Variants in TMEM81 observed in about 807,000 individuals in gnomAD.
The protein encoded by TMEM81 is transmembrane protein 81.
For synonymous variants in TMEM81, 132 were observed against 119.1 expected (o/e 1.11, Z -0.71); for missense variants, 294 against 300.5 (o/e 0.98, Z 0.16).
In TMEM81 at chr1:205,083,570, C is replaced by A; in HGVS notation, c.751G>T (p.Gly251Trp). 3 of 1,607,816 alleles carry A rather than the reference C, an allele frequency of 1.9e-6. No homozygotes were observed. The highest frequency in any genetic ancestry group is 1.1e-5 in the South Asian group (1 of 90,458). The change falls in exon 1 of 1, where the codon GGG becomes TGG. Residue 251 changes from glycine to tryptophan, a missense_variant. Coordinates refer to ENST00000367167, the MANE Select transcript of TMEM81 (RefSeq NM_203376.2). ...TGAAGCTGTCACTGCTGCAGGCCCC[C>A]CCTTAGCGCACAGAGGACAATCCTC... The part of the protein sequence containing the change: ...LVRIVLCALR[G>W]GLQQ
rs1433013101 is a variant in TMEM81, at chr1:205,083,533, CTGT to C, written c.*17_*19del. 28 of 1,580,512 alleles carry C rather than the reference CTGT, an allele frequency of 1.8e-5. No homozygotes were observed. The highest frequency in any genetic ancestry group is 2.4e-5 in the Non-Finnish European group (28 of 1,162,760). The stretch of plus-strand genomic sequence containing the variant: ...GGCAGCCAGTTCTTCAGGAGCAAGG[CTGT>C]TAAGTTCTTGAAGCTGTCACTGCTG... On this transcript the variant is annotated 3_prime_UTR_variant, in exon 1 of 1. Transcript: ENST00000367167.
chr1:205,083,988 C>T lies in TMEM81; in HGVS notation c.333G>A (p.Glu111=). Residue 111 remains glutamate, a synonymous_variant, in exon 1 of 1, where the codon GAG becomes GAA. Coordinates refer to ENST00000367167, the MANE Select transcript of TMEM81 (RefSeq NM_203376.2). ...TGAACCGGAAAGCTTCCTGTCCAAA[C>T]TCCAAGATGTCTGAACTCAGACAGC... is the stretch of plus-strand genomic sequence containing the variant. ...ELSCLSSDIL[E]FGQEAFRFTW... The T allele has an allele frequency of 9.9e-6, 16 of 1,614,224 alleles. No homozygotes were observed. The highest frequency in any genetic ancestry group is 1.2e-5 in the Non-Finnish European group (14 of 1,180,042).
Position 205,083,549 on chromosome 1 carries a change from G to A in TMEM81, c.*4C>T. ...GGAGCAAGGCTGTTAAGTTCTTGAA[G>A]CTGTCACTGCTGCAGGCCCCCCCTT... On this transcript the variant is annotated 3_prime_UTR_variant, in exon 1 of 1. Transcript: ENST00000367167. 6.3e-7 allele frequency: 1 copy of A among 1,592,908 alleles called. No individual in the cohort carries two copies. The highest frequency in any genetic ancestry group is 2.2e-5 in the East Asian group (1 of 44,558).
rs1655054634 is a variant in TMEM81 at position 205,083,215 on chromosome 1, G to T, written c.*338C>A. On this transcript the variant is annotated 3_prime_UTR_variant, in exon 1 of 1. Transcript: ENST00000367167. ...CATGAATACACAGCTCAGAAGAGGGGAAATGGAGGTGGGGAGGCATCCAAG... is the reference window on the plus strand; with the variant it reads ...CATGAATACACAGCTCAGAAGAGGGTAAATGGAGGTGGGGAGGCATCCAAG... The T allele has an allele frequency of 3.6e-6, 1 of 275,232 alleles. No individual in the cohort carries two copies. The highest frequency in any genetic ancestry group is 4.8e-5 in the Admixed American group (1 of 20,810). The allele number at this position is 275,232 out of a possible 1,614,324, so 17.0% of individuals were successfully genotyped here.
rs1447081792 is a variant in TMEM81, at chr1:205,084,203, C to T, written c.118G>A (p.Gly40Arg). The change falls in exon 1 of 1, where the codon GGG (glycine) becomes AGG (arginine). Residue 40 changes from glycine to arginine, a missense_variant. Coordinates refer to ENST00000367167, the MANE Select transcript of TMEM81 (RefSeq NM_203376.2). The stretch of plus-strand genomic sequence containing the variant: ...GTTGTGGCATTGATGATAACTTTCC[C>T]CACAGCTTCTTGCAGCTTCTCAGGG... ...AIPEKLQEAVGKVIINATTCT... is the reference protein window; with the variant it reads ...AIPEKLQEAVRKVIINATTCT... The T allele has an allele frequency of 1.9e-6, 3 of 1,614,048 alleles. No homozygotes were observed. Among genetic ancestry groups the T allele is most frequent in the Admixed American group, 1.7e-5 (1 of 60,002 alleles).
chr1:205,084,018 C>G lies in TMEM81; in HGVS notation c.303G>C (p.Glu101Asp). Residue 101 changes from glutamate to aspartate, a missense_variant, in exon 1 of 1, where the codon GAG becomes GAC. Transcript: ENST00000367167. ...AGATGTCTGAACTCAGACAGCTAAGCTCAAATTCCTTGCCAATGAGAATGG... is the reference window on the plus strand; with the variant it reads ...AGATGTCTGAACTCAGACAGCTAAGGTCAAATTCCTTGCCAATGAGAATGG... Reference protein sequence around the residue: ...HFTILIGKEFELSCLSSDILE... With the variant: ...HFTILIGKEFDLSCLSSDILE... 1.2e-6 allele frequency: 2 copies of G among 1,614,216 alleles called. No homozygotes were observed. The highest frequency in any genetic ancestry group is 8.5e-7 in the Non-Finnish European group (1 of 1,180,030).
In TMEM81 at chr1:205,083,790, C is replaced by T. The variant is rs1187053769; in HGVS notation, c.531G>A (p.Gly177=). The T allele has an allele frequency of 5.0e-6, 8 of 1,614,232 alleles. No individual in the cohort carries two copies. Among genetic ancestry groups the T allele is most frequent in the Middle Eastern group, 1.6e-4 (1 of 6,062 alleles). The change falls in exon 1 of 1, where the codon GGG becomes GGA. Residue 177 remains glycine, a synonymous_variant. Coordinates refer to ENST00000367167, the MANE Select transcript of TMEM81 (RefSeq NM_203376.2). ...CCAAGTTAGGAGGAAGGACCCTCAACCCAAAATAGAGCCTCTTGACGAGTC... is the reference window on the plus strand; with the variant it reads ...CCAAGTTAGGAGGAAGGACCCTCAATCCAAAATAGAGCCTCTTGACGAGTC... ...NLRLVKRLYF[G]LRVLPPNLVN...
chr1:205,084,433 GAT>G lies in TMEM81; in HGVS notation c.-115_-114del. On this transcript the variant is annotated 5_prime_UTR_variant, in exon 1 of 1. It removes the in-frame stop codon of an upstream open reading frame in the 5' UTR. Coordinates refer to ENST00000367167, the MANE Select transcript of TMEM81 (RefSeq NM_203376.2). ...CATGAGATATCCTTCAAAGTCAAAA[GAT>G]ATGATGCATGTATTGTCAATAAAAC... is the stretch of plus-strand genomic sequence containing the variant. 1 of 1,109,824 alleles carries G rather than the reference GAT, an allele frequency of 9.0e-7. No homozygotes were observed. Among genetic ancestry groups the G allele is most frequent in the East Asian group, 2.4e-5 (1 of 41,500 alleles). The allele number at this position is 1,109,824 out of a possible 1,614,324, so 68.7% of individuals were successfully genotyped here.
In TMEM81 at chr1:205,083,324, A is replaced by G. The variant is rs748595389; in HGVS notation, c.*229T>C. On this transcript the variant is annotated 3_prime_UTR_variant, in exon 1 of 1. Transcript: ENST00000367167. ...ATGCTTGCAGTTTCCTGGGTACCCA[A>G]TGGGCAGGGAAGATCAGGAAGAGAT... The G allele has an allele frequency of 6.1e-6, 3 of 490,500 alleles. No homozygotes were observed. Among genetic ancestry groups the G allele is most frequent in the Non-Finnish European group, 1.1e-5 (3 of 282,036 alleles). The allele number at this position is 490,500 out of a possible 1,614,324, so 30.4% of individuals were successfully genotyped here. A position where few individuals can be genotyped will look rare whatever the true frequency, so the allele number is the denominator to read the frequency against.
At position 205,083,742 on chromosome 1, in the gene TMEM81, T is replaced by G. The variant is rs1355393013; in HGVS notation, c.579A>C (p.Ser193=). The G allele has an allele frequency of 6.2e-7, 1 of 1,614,202 alleles. No homozygotes were observed. The highest frequency in any genetic ancestry group is 1.7e-5 in the Admixed American group (1 of 60,018). Residue 193 remains serine (S), a synonymous_variant, in exon 1 of 1, where the codon TCA becomes TCC. Coordinates refer to ENST00000367167, the MANE Select transcript of TMEM81 (RefSeq NM_203376.2). ...CTATTAACTTCTGATCCTCAGTAAG[T>G]GACTGATGGAAATTCAGATTCACCA... ...PNLVNLNFHQ[S]LTEDQKLIDE...
chr1:205,084,438 G>T lies in TMEM81; in HGVS notation c.-118C>A. ...GATATCCTTCAAAGTCAAAAGATAT[G>T]ATGCATGTATTGTCAATAAAACAAC... On this transcript the variant is annotated 5_prime_UTR_variant, in exon 1 of 1. Transcript: ENST00000367167. 9.4e-7 allele frequency: 1 copy of T among 1,059,444 alleles called. No homozygotes were observed. 65.6% of individuals were successfully genotyped at this position (1,059,444 alleles called of 1,614,324 possible). A position where few individuals can be genotyped will look rare whatever the true frequency, so the allele number is the denominator to read the frequency against.
rs768665329 is a variant in TMEM81 at position 205,083,585 on chromosome 1, G to C, written c.736C>G (p.Leu246Val). 2 of 1,613,554 alleles carry C rather than the reference G, an allele frequency of 1.2e-6. No homozygotes were observed. The highest frequency in any genetic ancestry group is 8.5e-7 in the Non-Finnish European group (1 of 1,179,666). Residue 246 changes from leucine to valine, a missense_variant, in exon 1 of 1, where the codon CTC (leucine) becomes GTC (valine). By Grantham distance (32) the Leu-to-Val change is conservative. Transcript: ENST00000367167. Reference sequence around the variant, plus strand: ...TGCAGGCCCCCCCTTAGCGCACAGAGGACAATCCTCACCAACACGCCACCA... The same window carrying C: ...TGCAGGCCCCCCCTTAGCGCACAGACGACAATCCTCACCAACACGCCACCA... ...VVGGVLVRIV[L>V]CALRGGLQQ
Position 205,083,772 on chromosome 1 carries a change from A to T in TMEM81, c.549T>A (p.Pro183=). ...GATGGAAATTCAGATTCACCAAGTT[A>T]GGAGGAAGGACCCTCAACCCAAAAT... The part of the protein sequence containing the change: ...RLYFGLRVLP[P]NLVNLNFHQS... Residue 183 remains proline (P), a synonymous_variant, in exon 1 of 1, where the codon CCT becomes CCA. Coordinates refer to ENST00000367167, the MANE Select transcript of TMEM81 (RefSeq NM_203376.2). The T allele has an allele frequency of 6.2e-7, 1 of 1,614,234 alleles. No homozygotes were observed. The highest frequency in any genetic ancestry group is 1.7e-4 in the Middle Eastern group (1 of 6,060).
chr1:205,084,279 C>T lies in TMEM81; in HGVS notation c.42G>A (p.Gly14=). 5 of 1,614,024 alleles carry T rather than the reference C, an allele frequency of 3.1e-6. No individual in the cohort carries two copies. Among genetic ancestry groups the T allele is most frequent in the Non-Finnish European group, 4.2e-6 (5 of 1,180,006 alleles). Residue 14 remains glycine, a synonymous_variant, in exon 1 of 1, where the codon GGG becomes GGA. Coordinates refer to ENST00000367167, the MANE Select transcript of TMEM81 (RefSeq NM_203376.2). Reference sequence around the variant, plus strand: ...CCACCAAAGGCAGGTAGAAGGCCAACCCCAGGCTCCCAAGGACAAAACTAG... The same window carrying T: ...CCACCAAAGGCAGGTAGAAGGCCAATCCCAGGCTCCCAAGGACAAAACTAG... The part of the protein sequence containing the change: ...LATSFVLGSL[G]LAFYLPLVVT...
At position 205,083,884 on chromosome 1, in the gene TMEM81, T is replaced by G. The variant is rs752564411; in HGVS notation, c.437A>C (p.Lys146Thr). 2 of 1,614,142 alleles carry G rather than the reference T, an allele frequency of 1.2e-6. No individual in the cohort carries two copies. The highest frequency in any genetic ancestry group is 2.2e-5 in the South Asian group (2 of 91,076). ...KPFQANSHFV[K>T]FKYAQEYDSG... ...GTCATACTCCTGAGCATATTTAAACTTCACAAAGTGGGAGTTGGCTTGAAA... is the reference window on the plus strand; with the variant it reads ...GTCATACTCCTGAGCATATTTAAACGTCACAAAGTGGGAGTTGGCTTGAAA... The change falls in exon 1 of 1, where the codon AAG (lysine) becomes ACG (threonine). Residue 146 changes from lysine (K) to threonine (T), a missense_variant. Transcript: ENST00000367167.
chr1:205,083,946 T>A lies in TMEM81; in HGVS notation c.375A>T (p.Arg125=). 6.2e-7 allele frequency: 1 copy of A among 1,614,162 alleles called. No individual in the cohort carries two copies. The highest frequency in any genetic ancestry group is 8.5e-7 in the Non-Finnish European group (1 of 1,180,042). Residue 125 remains arginine (R), a synonymous_variant, in exon 1 of 1, where the codon CGA becomes CGT. Transcript: ENST00000367167. ...EAFRFTWRLA[R]GVISTDDEVF... ...CCTCATCGTCAGTGGAGATGACACC[T>A]CGAGCAAGTCTCCAGGTGAACCGGA...
chr1:205,083,366 A>G lies in TMEM81; in HGVS notation c.*187T>C. 1.6e-6 allele frequency: 1 copy of G among 610,684 alleles called. No homozygotes were observed. The highest frequency in any genetic ancestry group is 2.7e-6 in the Non-Finnish European group (1 of 366,630). The allele number at this position is 610,684 out of a possible 1,614,324, so 37.8% of individuals were successfully genotyped here. A position where few individuals can be genotyped will look rare whatever the true frequency, so the allele number is the denominator to read the frequency against. ...GGAAGAGATCCATGGGACATAAGGA[A>G]GTTAGGTTACTGCGCATAGCTCCCA... is the stretch of plus-strand genomic sequence containing the variant. On this transcript the variant is annotated 3_prime_UTR_variant, in exon 1 of 1. Transcript: ENST00000367167.
Position 205,083,528 on chromosome 1 carries a change from C to T in TMEM81, c.*25G>A. On this transcript the variant is annotated 3_prime_UTR_variant, in exon 1 of 1. Transcript: ENST00000367167. Reference sequence around the variant, plus strand: ...TCCTGGGCAGCCAGTTCTTCAGGAGCAAGGCTGTTAAGTTCTTGAAGCTGT... The same window carrying T: ...TCCTGGGCAGCCAGTTCTTCAGGAGTAAGGCTGTTAAGTTCTTGAAGCTGT... 6.4e-7 allele frequency: 1 copy of T among 1,572,138 alleles called. No individual in the cohort carries two copies. Among genetic ancestry groups the T allele is most frequent in the Non-Finnish European group, 8.6e-7 (1 of 1,158,928 alleles).
At position 205,083,741 on chromosome 1, in the gene TMEM81, G is replaced by C; in HGVS notation, c.580C>G (p.Leu194Val). ...NLVNLNFHQS[L>V]TEDQKLIDEG... is the part of the protein sequence containing the mutation. Reference sequence around the variant, plus strand: ...TCTATTAACTTCTGATCCTCAGTAAGTGACTGATGGAAATTCAGATTCACC... The same window carrying C: ...TCTATTAACTTCTGATCCTCAGTAACTGACTGATGGAAATTCAGATTCACC... Residue 194 changes from leucine (L) to valine (V), a missense_variant, in exon 1 of 1, where the codon CTT becomes GTT. Physicochemically the swap from Leu to Val is conservative, Grantham distance 32. Transcript: ENST00000367167. 1 of 1,614,184 alleles carries C rather than the reference G, an allele frequency of 6.2e-7. No homozygotes were observed. The highest frequency in any genetic ancestry group is 8.5e-7 in the Non-Finnish European group (1 of 1,180,038).
Sources: allele counts gnomAD v4.1 joint callset, GRCh38; gene constraint gnomAD v4.1.1; transcripts MANE v1.5; gene names NCBI Gene and HGNC (gene_info 2026-07-23, HGNC 2026-07-21).